The following PXDNL variants were observed in gnomAD, a reference collection of about 807,000 sequenced individuals.
The protein encoded by PXDNL is probable oxidoreductase PXDNL.
Under a neutral mutation model 150.8 loss-of-function variants are expected in PXDNL, and 145 were observed. That is an observed-to-expected ratio of 0.96 (90% CI 0.84 to 1.10). The LOEUF (loss-of-function observed/expected upper bound fraction) is 1.10. PXDNL is among the 50% of genes least tolerant of loss of function. The pLI is 0.00. For synonymous variants in PXDNL, 757 were observed against 725.7 expected (o/e 1.04, Z -0.69); for missense variants, 2,087 against 1,873.9 (o/e 1.11, Z -2.10).
At chr8:51,748,533 G>C (rs983137479) in intron 1 of PXDNL, among the ~76,000 whole-genome samples, 2 of 152,202 alleles carry the variant, frequency 1.3e-5, no homozygotes, top group African/African-American at 4.8e-5. Context: ...CCCAGCTGGA[G>C]CACAGCATCA....
At chr8:51,562,810 G>C (rs1812744537) in intron 3 of PXDNL, among the ~76,000 whole-genome samples, 1 of 151,962 alleles carries the variant, frequency 6.6e-6, no homozygotes, top group Admixed American at 6.6e-5. Flanking sequence ...ATGGCTGTAA[G>C]ATGTATCAAG....
At chr8:51,737,468 T>G (rs575958098) in intron 1 of PXDNL, among the ~76,000 whole-genome samples, 1 of 152,234 alleles carries the variant, frequency 6.6e-6, no homozygotes, top group Non-Finnish European at 1.5e-5. Flanking sequence ...GGCATTAATG[T>G]GCATTTCTTC....
chr8:51,704,388 C>T (rs6998400), intron 1 of PXDNL, among the ~76,000 whole-genome samples: 12,003 of 152,008 alleles, frequency 0.079, 693 homozygotes, highest in African/African-American at 0.17. Context: ...TTCAACTATT[C>T]GAAGATATTT....
chr8:51,369,611 A>AAT (rs1452021501), intron 19 of PXDNL, among the ~76,000 whole-genome samples: 48 of 151,556 alleles, frequency 3.2e-4, no homozygotes, highest in African/African-American at 1.2e-3. Flanking sequence ...TCTTTAGGTA[A>AAT]TTTTGCTACT....
At chr8:51,666,255 G>A (rs8180923) in intron 1 of PXDNL, among the ~76,000 whole-genome samples, 127,924 of 152,054 alleles carry the variant, frequency 0.84, 54,118 homozygotes, top group African/African-American at 0.93. Context: ...CTTTCTCTTT[G>A]AACAGTCTGT....
chr8:51,775,138 C>A (rs2037338858), intron 1 of PXDNL, among the ~76,000 whole-genome samples: 1 of 152,022 alleles, frequency 6.6e-6, no homozygotes, highest in African/African-American at 2.4e-5. Flanking sequence ...AGGTAGGTTG[C>A]TTATTAATTA....
Position 51,577,923 on chromosome 8 carries a change from A to AAAGAAAG in PXDNL, c.308+14703_308+14704insCTTTCTT, listed in dbSNP as rs1491355873. On this transcript the variant is annotated intron_variant, in intron 3 of 22. Transcript: ENST00000356297. The stretch of plus-strand genomic sequence containing the variant: ...AGAAAGAAAGAGAAAGAAAAGAAAG[A>AAAGAAAG]AAAGAAAGAAAGAAAGAAAGAAAGA... Among the ~76,000 whole-genome samples, 12 of 42,396 alleles carry AAAGAAAG rather than the reference A, an allele frequency of 2.8e-4. 3 individuals are homozygous for AAAGAAAG. The highest frequency in any genetic ancestry group is 1.1e-3 in the East Asian group (2 of 1,760). 27.8% of individuals were successfully genotyped at this position (42,396 alleles called of 152,430 possible). A position where few individuals can be genotyped will look rare whatever the true frequency, so the allele number is the denominator to read the frequency against.
intron 2 of PXDNL, among the ~76,000 whole-genome samples, chr8:51,624,659 G>GAT (rs148664149): frequency 0.02 from 3,016 of 147,966 alleles, 97 homozygotes; most frequent in African/African-American, 0.07. Flanking sequence ...TCTTTCTGAT[G>GAT]ATATATATAT....
At chr8:51,435,311 A>C (rs1380902314) in intron 12 of PXDNL, among the ~76,000 whole-genome samples, 2 of 150,920 alleles carry the variant, frequency 1.3e-5, no homozygotes, top group Admixed American at 6.6e-5. Flanking sequence ...ATAGAGCGAG[A>C]CTCTGTCTCA....
rs564920029 is a variant in PXDNL, at chr8:51,539,929, AT to A, written c.380+16910del. On this transcript the variant is annotated intron_variant, in intron 4 of 22. Transcript: ENST00000356297. ...GACTTCTCTCTATTGTTGTTCAGTT[AT>A]CTACTACCTTTTTTTTTTTTTAGAC... Among the ~76,000 whole-genome samples the A allele has an allele frequency of 4.1e-5, 6 of 146,252 alleles. 1 individual carries two copies. In the South Asian group the frequency reaches 1.3e-3, roughly 31 times the overall value.
intron 3 of PXDNL, among the ~76,000 whole-genome samples, chr8:51,576,198 C>CAA (rs35166901): frequency 0.08 from 8,681 of 109,146 alleles, 342 homozygotes; most frequent in South Asian, 0.12. Context: ...AACACTGCTC[C>CAA]AAAAAAAAAA....
chr8:51,530,443 C>G (rs77840026), intron 4 of PXDNL, among the ~76,000 whole-genome samples: 4,639 of 152,244 alleles, frequency 0.03, 227 homozygotes, highest in African/African-American at 0.11. Flanking sequence ...TAGATCAAAG[C>G]AGCCAGAATG....
In PXDNL at chr8:51,445,903, T is replaced by C. The variant is rs189647538; in HGVS notation, c.1525+1101A>G. Among the ~76,000 whole-genome samples, 391 of 152,216 alleles carry C rather than the reference T, an allele frequency of 2.6e-3. 4 individuals carry two copies. The highest frequency in any genetic ancestry group is 0.013 in the South Asian group (63 of 4,814). On this transcript the variant is annotated intron_variant, in intron 12 of 22. Coordinates refer to ENST00000356297, the MANE Select transcript of PXDNL (RefSeq NM_144651.5). ...CTGACACCTTTCCACAATTGTATTT[T>C]CAAATCTTCCCACTCGTTTGAGTTG...
At chr8:51,553,340 T>A (rs1272213120) in intron 4 of PXDNL, among the ~76,000 whole-genome samples, 1 of 152,198 alleles carries the variant, frequency 6.6e-6, no homozygotes, top group Non-Finnish European at 1.5e-5. Context: ...TCGTATGGAC[T>A]GTCTGCAATG....
intron 4 of PXDNL, among the ~76,000 whole-genome samples, chr8:51,503,402 AT>A (rs5891417): frequency 0.96 from 145,604 of 152,210 alleles, 69,988 homozygotes; most frequent in Non-Finnish European, 1. Context: ...CTTTTTCAAA[AT>A]TTTTTTTAAA....
chr8:51,591,422 A>T (rs773522307), intron 3 of PXDNL, among the ~76,000 whole-genome samples: 1 of 150,490 alleles, frequency 6.6e-6, no homozygotes, highest in East Asian at 1.9e-4. Flanking sequence ...TCTCAGCTGA[A>T]CACAGGAGGC....
intron 17 of PXDNL, among the ~76,000 whole-genome samples, chr8:51,405,867 G>A (rs891477746): frequency 6.6e-6 from 1 of 152,184 alleles, no homozygotes; most frequent in African/African-American, 2.4e-5. Context: ...GCTGCATAGA[G>A]TTCCACTAGT....
chr8:51,596,856 G>A (rs1375085256), intron 2 of PXDNL, among the ~76,000 whole-genome samples: 1 of 152,054 alleles, frequency 6.6e-6, no homozygotes, highest in Non-Finnish European at 1.5e-5. Context: ...TCTGTAGGTT[G>A]TCTGTTTACT....
intron 1 of PXDNL, among the ~76,000 whole-genome samples, chr8:51,713,681 A>C (rs760254545): frequency 6.6e-6 from 1 of 152,238 alleles, no homozygotes; most frequent in African/African-American, 2.4e-5. Context: ...TTTGTAATCA[A>C]AGTAGAAAAA....
Sources: gnomAD v4.1 joint callset for allele counts (sites outside exome capture counted in the v4.1 genomes callset) on GRCh38, gnomAD v4.1.1 for gene constraint, MANE v1.5 for transcripts, NCBI Gene and HGNC (gene_info 2026-07-23, HGNC 2026-07-21) for gene names.